Variants in GLB1 observed in about 807,000 individuals in gnomAD.
GLB1 encodes the protein galactosidase beta 1.
Under a neutral mutation model 74.0 loss-of-function variants are expected in GLB1, and 56 were observed. The ratio of observed to expected loss-of-function variants is 0.76; its 90% CI spans 0.61 to 0.94. The LOEUF (loss-of-function observed/expected upper bound fraction) is 0.94. GLB1 is among the 40% of genes least tolerant of loss of function. The pLI is 0.00. For synonymous variants in GLB1, 323 were observed against 323.6 expected, an observed-to-expected ratio of 1.00 and a Z score of 0.02; for missense variants, 787 against 845.5, an observed-to-expected ratio of 0.93 and a Z score of 0.86.
In GLB1 at chr3:33,097,064, T is replaced by G. The variant is rs374616396; in HGVS notation, c.22A>C (p.Ile8Leu). ...AGCAGAACCAGCAACAGAGGGAGGA[T>G]GCGAACCAGGAACCCCGGCATGACC... MPGFLVR[I>L]LPLLLVLLLL... is the part of the protein sequence containing the mutation. Residue 8 changes from isoleucine (I) to leucine (L), a missense_variant, in exon 1 of 16, where the codon ATC becomes CTC. Physicochemically the swap from Ile to Leu is conservative, Grantham distance 5. Coordinates refer to ENST00000307363, the MANE Select transcript of GLB1 (RefSeq NM_000404.4). The G allele has an allele frequency of 6.2e-7, 1 of 1,612,464 alleles. No individual in the cohort carries two copies. The highest frequency in any genetic ancestry group is 1.1e-5 in the South Asian group (1 of 90,944).
intron 10 of GLB1, among the ~76,000 whole-genome samples, chr3:33,038,658 TTC>T (rs1264460134): frequency 6.6e-6 from 1 of 152,178 alleles, no homozygotes; most frequent in Non-Finnish European, 1.5e-5. Context: ...TCTGGGAGTC[TTC>T]TAGGGCTGAG....
the GLB1 span, among the ~76,000 whole-genome samples, chr3:32,965,594 C>A: frequency 6.6e-6 from 1 of 152,074 alleles, no homozygotes; most frequent in Non-Finnish European, 1.5e-5. Context: ...AAAACATTTT[C>A]TGGGAAGAAC....
At chr3:33,068,388 C>T (rs1699772569) in intron 3 of GLB1, 98 bp from the exon 4 acceptor site, 2 of 1,513,808 alleles carry the variant, frequency 1.3e-6, no homozygotes, top group Non-Finnish European at 1.8e-6. Context: ...AGAATAAAAG[C>T]TTCAAGGGAC....
intron 4 of GLB1, among the ~76,000 whole-genome samples, chr3:33,067,646 G>C (rs1343667372): frequency 6.6e-6 from 1 of 152,198 alleles, no homozygotes; most frequent in African/African-American, 2.4e-5. Context: ...GGAAGAGAAA[G>C]CACTGAAGTC....
the GLB1 span, among the ~76,000 whole-genome samples, chr3:32,980,124 A>G: frequency 1.3e-5 from 2 of 152,208 alleles, no homozygotes; most frequent in African/African-American, 4.8e-5. Flanking sequence ...ATTGTTAACT[A>G]TAGTCAACCT....
In GLB1 at chr3:33,074,393, A is replaced by G. The variant is rs9754700; in HGVS notation, c.76-1680T>C. ...GGAAGGAAGGAAGGAAGGAAGGAAGAAAGAAAGAAAGAAAGAATATTACAC... is the reference window on the plus strand; with the variant it reads ...GGAAGGAAGGAAGGAAGGAAGGAAGGAAGAAAGAAAGAAAGAATATTACAC... On this transcript the variant is annotated intron_variant, in intron 1 of 15. Transcript: ENST00000307363. Among the ~76,000 whole-genome samples the G allele has an allele frequency of 5.2e-3, 462 of 89,666 alleles. 28 individuals are homozygous for G. Among genetic ancestry groups the G allele is most frequent in the Middle Eastern group, 0.01 (2 of 192 alleles). 58.8% of individuals were successfully genotyped at this position (89,666 alleles called of 152,430 possible). A position where few individuals can be genotyped will look rare whatever the true frequency, so the allele number is the denominator to read the frequency against.
At chr3:32,973,652 C>T in the GLB1 span, among the ~76,000 whole-genome samples, 6 of 151,882 alleles carry the variant, frequency 4.0e-5, no homozygotes, top group Non-Finnish European at 7.4e-5. Context: ...GGCCTAATTG[C>T]GGTTTTGGCC....
the GLB1 span, among the ~76,000 whole-genome samples, chr3:32,976,264 C>G: frequency 1.1e-4 from 16 of 152,316 alleles, no homozygotes; most frequent in African/African-American, 3.4e-4. Context: ...TCCATTTTCT[C>G]TTGCTCTTCT....
chr3:32,969,023 G>T, the GLB1 span, among the ~76,000 whole-genome samples: 1 of 152,204 alleles, frequency 6.6e-6, no homozygotes, highest in African/African-American at 2.4e-5. Context: ...GTCCCAGGAG[G>T]CCCCCTTCAT....
At chr3:33,022,771 G>A (rs1212569028) in intron 11 of GLB1, among the ~76,000 whole-genome samples, 2 of 151,778 alleles carry the variant, frequency 1.3e-5, no homozygotes, top group Non-Finnish European at 2.9e-5. Flanking sequence ...TGTTGGCCAG[G>A]CTGGTCTTGA....
chr3:33,051,743 T>A lies in GLB1; in HGVS notation c.955+15A>T. ...ATTCTAGCATAAGTTTCTACAGATATTAAAGTGCTCTTACCATTCCAATAG... is the reference window on the plus strand; with the variant it reads ...ATTCTAGCATAAGTTTCTACAGATAATAAAGTGCTCTTACCATTCCAATAG... On this transcript the variant is annotated intron_variant, in intron 9 of 15. Coordinates refer to ENST00000307363, the MANE Select transcript of GLB1 (RefSeq NM_000404.4). 1.2e-6 allele frequency: 2 copies of A among 1,614,090 alleles called. No homozygotes were observed. Among genetic ancestry groups the A allele is most frequent in the Non-Finnish European group, 1.7e-6 (2 of 1,180,028 alleles).
At chr3:33,090,944 T>C (rs2125581683) in intron 1 of GLB1, 1 of 984,990 alleles carries the variant, frequency 1.0e-6, no homozygotes, top group East Asian at 1.1e-4. Context: ...AAATAGGACT[T>C]AATGAAAGCT....
At chr3:33,049,542 G>A (rs751085918) in intron 9 of GLB1, among the ~76,000 whole-genome samples, 1 of 152,040 alleles carries the variant, frequency 6.6e-6, no homozygotes, top group Non-Finnish European at 1.5e-5. Context: ...TCAGTCTCCC[G>A]AGTAGCTGGG....
intron 5 of GLB1, among the ~76,000 whole-genome samples, chr3:33,063,972 G>A (rs1699556581): frequency 2.0e-5 from 3 of 151,964 alleles, no homozygotes; most frequent in African/African-American, 7.3e-5. Context: ...CACCTGAAAG[G>A]CAAAGCAGTG....
At chr3:33,094,046 C>G (rs1700893757) in intron 1 of GLB1, 2 of 1,614,260 alleles carry the variant, frequency 1.2e-6, no homozygotes, top group East Asian at 4.5e-5. Flanking sequence ...AGTTGACAAA[C>G]AGGGCAAGCT....
intron 4 of GLB1, among the ~76,000 whole-genome samples, chr3:33,066,653 T>C (rs1000084885): frequency 6.6e-6 from 1 of 152,192 alleles, no homozygotes; most frequent in African/African-American, 2.4e-5. Context: ...ATCCAAGCAA[T>C]GTTTGCTGAA....
the GLB1 span, among the ~76,000 whole-genome samples, chr3:32,971,212 A>G: frequency 6.6e-6 from 1 of 152,354 alleles, no homozygotes; most frequent in Non-Finnish European, 1.5e-5. Flanking sequence ...TCCTTTAGAT[A>G]TTACTATCTT....
intron 12 of GLB1, chr3:33,021,361 TG>T: frequency 1.6e-6 from 1 of 618,584 alleles, no homozygotes; most frequent in Non-Finnish European, 2.8e-6. Context: ...TGAGAAGAAG[TG>T]GGGCAAAAAA....
chr3:33,036,435 G>T (rs1476362921), intron 10 of GLB1, among the ~76,000 whole-genome samples: 1 of 152,084 alleles, frequency 6.6e-6, no homozygotes, highest in African/African-American at 2.4e-5. Flanking sequence ...AACTTGATTT[G>T]ATTTTTTCCA....
Sources: gnomAD v4.1 joint callset for allele counts (sites outside exome capture counted in the v4.1 genomes callset) on GRCh38, gnomAD v4.1.1 for gene constraint, MANE v1.5 for transcripts, NCBI Gene and HGNC (gene_info 2026-07-23, HGNC 2026-07-21) for gene names.